The following SLC9A9 variants were observed in gnomAD, a reference collection of about 807,000 sequenced individuals.
SLC9A9 encodes the protein sodium/hydrogen exchanger 9.
In SLC9A9, 62 loss-of-function variants were observed where a neutral mutation model predicts 77.8. The observed-to-expected ratio is 0.80, with a 90% CI of 0.65 to 0.98. The LOEUF (loss-of-function observed/expected upper bound fraction) is 0.98. SLC9A9 is among the 50% of genes least tolerant of loss of function. The pLI, the probability that SLC9A9 is intolerant of heterozygous loss-of-function variation, is 0.00. For missense variants in SLC9A9, 775 were observed against 774.9 expected, an observed-to-expected ratio of 1.00 and a Z score of 0.00; for synonymous variants, 320 against 283.5, an observed-to-expected ratio of 1.13 and a Z score of -1.29.
chr3:143,360,714 A>G (rs2032727055), intron 14 of SLC9A9, among the ~76,000 whole-genome samples: 1 of 152,248 alleles, frequency 6.6e-6, no homozygotes, highest in Non-Finnish European at 1.5e-5. Context: ...GGTTTTATTG[A>G]TAACAATGGT....
At chr3:143,562,150 A>G (rs1278096359) in intron 8 of SLC9A9, among the ~76,000 whole-genome samples, 3 of 152,258 alleles carry the variant, frequency 2.0e-5, no homozygotes, top group Non-Finnish European at 2.9e-5. Context: ...GACTGAATAA[A>G]GCAGGCCTAG....
chr3:143,373,369 T>C (rs1193600787), intron 13 of SLC9A9, among the ~76,000 whole-genome samples: 2 of 152,120 alleles, frequency 1.3e-5, no homozygotes, highest in African/African-American at 4.8e-5. Context: ...CAAATAACTT[T>C]TGTTCTTACC....
intron 12 of SLC9A9, among the ~76,000 whole-genome samples, chr3:143,406,978 G>GAAAAAAAAAAA (rs57344964): frequency 9.6e-4 from 66 of 68,706 alleles, no homozygotes; most frequent in African/African-American, 1.1e-3. Flanking sequence ...TCCATCTCGA[G>GAAAAAAAAAAA]AAAAAAAAAA....
intron 5 of SLC9A9, among the ~76,000 whole-genome samples, chr3:143,679,954 C>G (rs1933027124): frequency 6.6e-6 from 1 of 151,834 alleles, no homozygotes; most frequent in Non-Finnish European, 1.5e-5. Context: ...ATAATGGATA[C>G]AACTGAAGAA....
chr3:143,480,346 A>C (rs535094513), intron 11 of SLC9A9, among the ~76,000 whole-genome samples: 1 of 152,344 alleles, frequency 6.6e-6, no homozygotes, highest in Admixed American at 6.5e-5. Flanking sequence ...TATTTCTCAG[A>C]TATTCTGAAT....
At chr3:143,414,040 T>G (rs771133202) in intron 12 of SLC9A9, among the ~76,000 whole-genome samples, 1 of 152,232 alleles carries the variant, frequency 6.6e-6, no homozygotes, top group Admixed American at 6.5e-5. Context: ...GTGCTGAAAA[T>G]GAAATAGTCA....
In SLC9A9 at chr3:143,512,571, G is replaced by A. The variant is rs6781492; in HGVS notation, c.1090-17123C>T. On this transcript the variant is annotated intron_variant, in intron 9 of 15. Transcript: ENST00000316549. ...TGTAGTCTATTAAGTGTACAATACC[G>A]TTATGTCTAAAAAACAATGTACATG... Among the ~76,000 whole-genome samples, 996 of 152,246 alleles carry A rather than the reference G, an allele frequency of 6.5e-3. 8 individuals are homozygous for A. Among genetic ancestry groups the A allele is most frequent in the African/African-American group, 0.023 (949 of 41,556 alleles).
intron 9 of SLC9A9, among the ~76,000 whole-genome samples, chr3:143,507,671 T>C (rs773005880): frequency 2.9e-4 from 44 of 152,262 alleles, no homozygotes; most frequent in Non-Finnish European, 4.7e-4. Flanking sequence ...AATTAGCCTA[T>C]GCTAAACTCT....
intron 2 of SLC9A9, among the ~76,000 whole-genome samples, chr3:143,824,439 C>T (rs963399066): frequency 1.2e-4 from 19 of 152,276 alleles, no homozygotes; most frequent in South Asian, 6.2e-4. Flanking sequence ...GACTCAGCTC[C>T]GATTCACCTC....
chr3:143,846,381 G>T (rs16854486), intron 1 of SLC9A9, among the ~76,000 whole-genome samples: 2,448 of 152,248 alleles, frequency 0.016, 73 homozygotes, highest in African/African-American at 0.056. Flanking sequence ...CCATATCCTT[G>T]CAGATTACTT....
chr3:143,748,950 G>A (rs970212207), intron 4 of SLC9A9, among the ~76,000 whole-genome samples: 28 of 151,714 alleles, frequency 1.8e-4, no homozygotes, highest in Non-Finnish European at 3.7e-4. Flanking sequence ...TGATCCACCC[G>A]CCTCGGCCTC....
At chr3:143,490,136 A>T (rs1372608095) in intron 11 of SLC9A9, among the ~76,000 whole-genome samples, 4 of 152,134 alleles carry the variant, frequency 2.6e-5, no homozygotes, top group African/African-American at 9.7e-5. Flanking sequence ...TTCAAAATAG[A>T]ATTACTATAT....
chr3:143,420,409 T>C (rs879533360), intron 12 of SLC9A9, among the ~76,000 whole-genome samples: 4 of 152,220 alleles, frequency 2.6e-5, no homozygotes, highest in Non-Finnish European at 4.4e-5. Flanking sequence ...AAAAAGATCC[T>C]TTCTTGCCAG....
At chr3:143,460,343 T>A (rs574931291) in intron 12 of SLC9A9, among the ~76,000 whole-genome samples, 75 of 152,274 alleles carry the variant, frequency 4.9e-4, no homozygotes, top group African/African-American at 1.7e-3. Context: ...GTGGAGTAAG[T>A]GTGCTTACTC....
intron 14 of SLC9A9, among the ~76,000 whole-genome samples, chr3:143,361,103 C>T (rs2032742026): frequency 6.6e-6 from 1 of 152,230 alleles, no homozygotes; most frequent in South Asian, 2.1e-4. Flanking sequence ...GCCCCCACAA[C>T]TGCATAAACC....
In SLC9A9 at chr3:143,266,230, A is replaced by AAG; in HGVS notation, c.*470_*471dup. On this transcript the variant is annotated 3_prime_UTR_variant, in exon 16 of 16. Transcript: ENST00000316549. ...CAAATGGGAGTCAAGTCCTCAAAAT[A>AAG]AGAAACTTATCACTTACTAAATAGC... 4.7e-6 allele frequency: 3 copies of AAG among 634,204 alleles called. No homozygotes were observed. The highest frequency in any genetic ancestry group is 8.5e-6 in the Non-Finnish European group (3 of 354,496). 39.3% of individuals were successfully genotyped at this position (634,204 alleles called of 1,614,324 possible). A position where few individuals can be genotyped will look rare whatever the true frequency, so the allele number is the denominator to read the frequency against.
intron 11 of SLC9A9, among the ~76,000 whole-genome samples, chr3:143,467,468 G>A (rs1200727234): frequency 1.3e-5 from 2 of 152,130 alleles, no homozygotes; most frequent in Non-Finnish European, 2.9e-5. Flanking sequence ...TTCTGGCTGG[G>A]TGCAGTGGCT....
At chr3:143,570,707 G>GAA (rs2037242579) in intron 8 of SLC9A9, among the ~76,000 whole-genome samples, 1 of 151,776 alleles carries the variant, frequency 6.6e-6, no homozygotes, top group Non-Finnish European at 1.5e-5. Flanking sequence ...ATTGTTGAAT[G>GAA]AAAAAAGCAA....
intron 12 of SLC9A9, among the ~76,000 whole-genome samples, chr3:143,390,498 C>G (rs1055604524): frequency 6.6e-6 from 1 of 152,182 alleles, no homozygotes; most frequent in Non-Finnish European, 1.5e-5. Flanking sequence ...ATAAGAACAG[C>G]TCCAGTCTAC....
Sources: gnomAD v4.1 joint callset for allele counts (sites outside exome capture counted in the v4.1 genomes callset) on GRCh38, gnomAD v4.1.1 for gene constraint, MANE v1.5 for transcripts, NCBI Gene and HGNC (gene_info 2026-07-23, HGNC 2026-07-21) for gene names.